The following TTC7B variants were observed in gnomAD, a reference collection of about 807,000 sequenced individuals.
TTC7B encodes the protein tetratricopeptide repeat domain 7B.
TTC7B carries 28 observed loss-of-function variants against 106.8 expected under a neutral mutation model. The observed-to-expected ratio is 0.26, with a 90% CI of 0.19 to 0.36. TTC7B has a LOEUF of 0.36. Among genes scored for constraint, TTC7B ranks in the 10% least tolerant of loss-of-function variants. The pLI is 1.00. For synonymous variants in TTC7B, 405 were observed against 430.6 expected, an observed-to-expected ratio of 0.94 and a Z score of 0.74; for missense variants, 862 against 1,076.4, an observed-to-expected ratio of 0.80 and a Z score of 2.79.
At chr14:90,709,505 G>A (rs1888350182) in intron 5 of TTC7B, among the ~76,000 whole-genome samples, 2 of 133,468 alleles carry the variant, frequency 1.5e-5, no homozygotes, top group Non-Finnish European at 3.1e-5. Flanking sequence ...ATGGACACAG[G>A]AAGGGGAACA....
At position 90,549,283 on chromosome 14, in the gene TTC7B, C is replaced by T. The variant is rs141667245; in HGVS notation, c.2311-7694G>A. On this transcript the variant is annotated intron_variant, in intron 19 of 19. Transcript: ENST00000328459. ...GGTGGTGGGGGCTGAGGACCAGGATCAGTGGCTTTTCCCACGGCTCAGCGC... is the reference window on the plus strand; with the variant it reads ...GGTGGTGGGGGCTGAGGACCAGGATTAGTGGCTTTTCCCACGGCTCAGCGC... Among the ~76,000 whole-genome samples, 128 of 152,306 alleles carry T rather than the reference C, an allele frequency of 8.4e-4. 1 individual carries two copies. The highest frequency in any genetic ancestry group is 2.9e-3 in the African/African-American group (121 of 41,570).
At position 90,541,337 on chromosome 14, in the gene TTC7B, T is replaced by A; in HGVS notation, c.*31A>T. 1 of 1,571,562 alleles carries A rather than the reference T, an allele frequency of 6.4e-7. No individual in the cohort carries two copies. Among genetic ancestry groups the A allele is most frequent in the Middle Eastern group, 1.7e-4 (1 of 5,934 alleles). ...GGTGCCCGGCAGGGCCTCTGAGGCC[T>A]GAGCGGCAGGTGAGGCTGGCAGGCG... On this transcript the variant is annotated 3_prime_UTR_variant, in exon 20 of 20. Coordinates refer to ENST00000328459, the MANE Select transcript of TTC7B (RefSeq NM_001010854.2).
intron 17 of TTC7B, among the ~76,000 whole-genome samples, chr14:90,597,052 C>A (rs567271867): frequency 3.3e-5 from 5 of 152,268 alleles, no homozygotes; most frequent in African/African-American, 1.2e-4. Context: ...TAAACATGGA[C>A]GTTTCCCCTA....
rs374621599 is a variant in TTC7B, at chr14:90,674,044, C to T, written c.1152+2479G>A. On this transcript the variant is annotated intron_variant, in intron 9 of 19. Transcript: ENST00000328459. ...CACAGTGGTATGAACGTACTAAATG[C>T]CACTGAATTCTACACTTTAAAATGG... is the stretch of plus-strand genomic sequence containing the variant. Among the ~76,000 whole-genome samples the T allele has an allele frequency of 1.1e-4, 16 of 152,058 alleles. 1 individual carries two copies. The highest frequency in any genetic ancestry group is 3.1e-4 in the African/African-American group (13 of 41,458).
intron 7 of TTC7B, among the ~76,000 whole-genome samples, chr14:90,682,785 G>A (rs975311713): frequency 6.6e-6 from 1 of 152,202 alleles, no homozygotes; most frequent in Non-Finnish European, 1.5e-5. Flanking sequence ...GAGCTGGCAG[G>A]CTGGCAAAGG....
Position 90,538,241 on chromosome 14 carries a change from C to CGGATGGATGGATGGATGGATGGATGGAT in TTC7B, c.*3099_*3126dup, listed in dbSNP as rs71117363. 2 of 149,576 alleles carry CGGATGGATGGATGGATGGATGGATGGAT rather than the reference C, an allele frequency of 1.3e-5. No individual in the cohort carries two copies. Among genetic ancestry groups the CGGATGGATGGATGGATGGATGGATGGAT allele is most frequent in the Non-Finnish European group, 3.0e-5 (2 of 67,478 alleles). The allele number at this position is 149,576 out of a possible 1,614,324, so 9.3% of individuals were successfully genotyped here. On this transcript the variant is annotated 3_prime_UTR_variant, in exon 20 of 20. Transcript: ENST00000328459. ...GCGTCCTCATCTATTAATGGATGGA[C>CGGATGGATGGATGGATGGATGGATGGAT]GGATGGATGGATGGATGGATGGATG...
At chr14:90,721,640 G>A (rs1382268830) in intron 5 of TTC7B, among the ~76,000 whole-genome samples, 2 of 152,074 alleles carry the variant, frequency 1.3e-5, no homozygotes, top group African/African-American at 4.8e-5. Context: ...TTTTCAAGAA[G>A]GTACTGACAG....
At position 90,537,375 on chromosome 14, in the gene TTC7B, G is replaced by GC. The variant is rs1555372751; in HGVS notation, c.*3992_*3993insG. 4 of 135,280 alleles carry GC rather than the reference G, an allele frequency of 3.0e-5. No individual in the cohort carries two copies. Among genetic ancestry groups the GC allele is most frequent in the Middle Eastern group, 3.6e-3 (1 of 274 alleles). 8.4% of individuals were successfully genotyped at this position (135,280 alleles called of 1,614,324 possible). A position where few individuals can be genotyped will look rare whatever the true frequency, so the allele number is the denominator to read the frequency against. Reference sequence around the variant, plus strand: ...CTATTTTTTTTTTTTTGTAGAGATGGGGGGGGGGTCTCACCATGTTGCCCA... The same window carrying GC: ...CTATTTTTTTTTTTTTGTAGAGATGGCGGGGGGGGTCTCACCATGTTGCCCA... On this transcript the variant is annotated 3_prime_UTR_variant, in exon 20 of 20. Coordinates refer to ENST00000328459, the MANE Select transcript of TTC7B (RefSeq NM_001010854.2).
At position 90,793,368 on chromosome 14, in the gene TTC7B, A is replaced by G. The variant is rs534714605; in HGVS notation, c.122-7040T>C. On this transcript the variant is annotated intron_variant, in intron 1 of 19. Coordinates refer to ENST00000328459, the MANE Select transcript of TTC7B (RefSeq NM_001010854.2). ...GCAAAACCCCGTCTCTACTAAAAATACAAAAATTAGCCAGGCGTGGTGGCA... is the reference window on the plus strand; with the variant it reads ...GCAAAACCCCGTCTCTACTAAAAATGCAAAAATTAGCCAGGCGTGGTGGCA... Among the ~76,000 whole-genome samples the G allele has an allele frequency of 6.6e-5, 10 of 152,036 alleles. No individual in the cohort carries two copies. In the South Asian group the frequency reaches 2.1e-3, roughly 32 times the overall value.
Position 90,533,778 on chromosome 14 carries a change from G to C in TTC7B, c.*7590C>G, listed in dbSNP as rs1459124190. 1 of 152,428 alleles carries C rather than the reference G, an allele frequency of 6.6e-6. No individual in the cohort carries two copies. Among genetic ancestry groups the C allele is most frequent in the African/African-American group, 2.4e-5 (1 of 41,482 alleles). The allele number at this position is 152,428 out of a possible 1,614,324, so 9.4% of individuals were successfully genotyped here. A position where few individuals can be genotyped will look rare whatever the true frequency, so the allele number is the denominator to read the frequency against. ...GGTGGTGGGGGCTGTGGGTGGCCCGGATGGTCAGCGGGAGCTGCTGGCTCC... is the reference window on the plus strand; with the variant it reads ...GGTGGTGGGGGCTGTGGGTGGCCCGCATGGTCAGCGGGAGCTGCTGGCTCC... On this transcript the variant is annotated 3_prime_UTR_variant, in exon 20 of 20. Coordinates refer to ENST00000328459, the MANE Select transcript of TTC7B (RefSeq NM_001010854.2).
At chr14:90,665,648 C>T (rs577332246) in intron 9 of TTC7B, among the ~76,000 whole-genome samples, 1 of 152,332 alleles carries the variant, frequency 6.6e-6, no homozygotes, top group South Asian at 2.1e-4. Flanking sequence ...ATAAAATAAT[C>T]AGATACCCCT....
intron 15 of TTC7B, among the ~76,000 whole-genome samples, chr14:90,618,752 A>T (rs575776657): frequency 6.6e-6 from 1 of 152,208 alleles, no homozygotes; most frequent in Non-Finnish European, 1.5e-5. Context: ...TGCCGACATC[A>T]GCCTAGGTAC....
At chr14:90,783,684 C>T (rs1891290577) in intron 2 of TTC7B, among the ~76,000 whole-genome samples, 1 of 152,194 alleles carries the variant, frequency 6.6e-6, no homozygotes, top group Non-Finnish European at 1.5e-5. Context: ...GGCCTGTAAT[C>T]CCAGCACTTT....
rs1437544534 is a variant in TTC7B at position 90,608,606 on chromosome 14, G to T, written c.1966+2136C>A. On this transcript the variant is annotated intron_variant, in intron 17 of 19. Transcript: ENST00000328459. The surrounding 1 kb of genome is among the most constrained non-coding windows in gnomAD (Gnocchi z 5.1). ...GCATCAGTACCACTAAGCAGAGGGG[G>T]AGGAGGAAGACCCGGGGGCCAGGCC... 2.0e-5 allele frequency among the ~76,000 whole-genome samples: 3 copies of T among 152,132 alleles called. No individual in the cohort carries two copies. The highest frequency in any genetic ancestry group is 2.4e-5 in the African/African-American group (1 of 41,426).
intron 18 of TTC7B, among the ~76,000 whole-genome samples, chr14:90,581,026 C>A (rs772128796): frequency 8.5e-5 from 13 of 152,206 alleles, no homozygotes; most frequent in Non-Finnish European, 1.5e-4. Flanking sequence ...GTACCAACGA[C>A]TGACTCCCCA....
chr14:90,693,319 T>C (rs1168234340), intron 6 of TTC7B, among the ~76,000 whole-genome samples: 1 of 151,994 alleles, frequency 6.6e-6, no homozygotes, highest in Admixed American at 6.6e-5. Context: ...AGTGAAAGGA[T>C]TAAAAAAAGA....
At chr14:90,702,986 A>G (rs1202581780) in intron 5 of TTC7B, among the ~76,000 whole-genome samples, 1 of 152,186 alleles carries the variant, frequency 6.6e-6, no homozygotes, top group Non-Finnish European at 1.5e-5. Context: ...GTTCATCAAG[A>G]AGGGCCAGAT....
chr14:90,602,415 T>G (rs1484634216), intron 17 of TTC7B, among the ~76,000 whole-genome samples: 1 of 152,226 alleles, frequency 6.6e-6, no homozygotes, highest in Non-Finnish European at 1.5e-5. Flanking sequence ...CCAAAAGCAC[T>G]GTTAGGCTGG....
At chr14:90,786,140 G>C (rs759690128) in intron 2 of TTC7B, 34 bp downstream of exon 2, 1 of 1,511,702 alleles carries the variant, frequency 6.6e-7, no homozygotes, top group African/African-American at 1.4e-5. Context: ...ACTGTCCAAA[G>C]GAAGTGTCGC....
Sources: allele counts gnomAD v4.1 joint callset (sites outside exome capture counted in the v4.1 genomes callset), GRCh38; gene constraint gnomAD v4.1.1; non-coding constraint Gnocchi (gnomAD v3.1); transcripts MANE v1.5; gene names NCBI Gene and HGNC (gene_info 2026-07-23, HGNC 2026-07-21).